The following SDK2 variants were observed in gnomAD, a reference collection of about 807,000 sequenced individuals.
The protein encoded by SDK2 is protein sidekick-2.
In SDK2, 105 loss-of-function variants were observed where a neutral mutation model predicts 253.9. That is an observed-to-expected ratio of 0.41 (90% CI 0.35 to 0.49). The LOEUF (loss-of-function observed/expected upper bound fraction) is 0.49, where lower values mean the gene tolerates loss of function less well. SDK2 is among the 20% of genes least tolerant of loss of function. The pLI is 0.06. For missense variants in SDK2, 2,608 were observed against 3,003.0 expected, an observed-to-expected ratio of 0.87 and a Z score of 3.07; for synonymous variants, 1,249 against 1,234.9, an observed-to-expected ratio of 1.01 and a Z score of -0.24.
rs1176780912 is a variant in SDK2, at chr17:73,383,690, A to G, written c.4705+186T>C. Among the ~76,000 whole-genome samples, 1 of 152,214 alleles carries G rather than the reference A, an allele frequency of 6.6e-6. No individual in the cohort carries two copies. Among genetic ancestry groups the G allele is most frequent in the African/African-American group, 2.4e-5 (1 of 41,454 alleles). On this transcript the variant is annotated intron_variant, in intron 33 of 44. Coordinates refer to ENST00000392650, the MANE Select transcript of SDK2 (RefSeq NM_001144952.2). This position sits in a 1 kb window ranked among gnomAD's most constrained non-coding sequence, Gnocchi z 4.3. ...TGTGCCCCACAGTGACTCGGGGCCC[A>G]TAGAAGGTGCTCAGTAAATATTCAG...
chr17:73,345,008 T>C (rs1266166883), intron 44 of SDK2, among the ~76,000 whole-genome samples: 1 of 152,204 alleles, frequency 6.6e-6, no homozygotes, highest in African/African-American at 2.4e-5. Context: ...TATCTGCCTC[T>C]GCATCGCAGG....
chr17:73,443,227 T>C lies in SDK2; in HGVS notation c.614-2304A>G, dbSNP rs147625211. On this transcript the variant is annotated intron_variant, in intron 5 of 44. Transcript: ENST00000392650. The surrounding 1 kb of genome is among the most constrained non-coding windows in gnomAD (Gnocchi z 4.6). ...GTTTTCCTTCCTTGACTCCAGGCCTTGCTAGAAAAGGCCCAGGAAGAATGC... is the reference window on the plus strand; with the variant it reads ...GTTTTCCTTCCTTGACTCCAGGCCTCGCTAGAAAAGGCCCAGGAAGAATGC... Among the ~76,000 whole-genome samples the C allele has an allele frequency of 0.011, 1,607 of 152,248 alleles. 13 individuals are homozygous for C. Among genetic ancestry groups the C allele is most frequent in the Non-Finnish European group, 0.018 (1,207 of 68,026 alleles).
intron 30 of SDK2, 151 bp downstream of exon 30, chr17:73,387,685 G>T: frequency 1.6e-6 from 1 of 641,564 alleles, no homozygotes. Context: ...GGGTGAGAGT[G>T]GACGCGGGGG....
chr17:73,405,295 C>T (rs2063062415), intron 18 of SDK2, among the ~76,000 whole-genome samples: 1 of 127,994 alleles, frequency 7.8e-6, no homozygotes, highest in Non-Finnish European at 1.6e-5. Context: ...CAAAAATTAG[C>T]CGCACATGGT....
intron 2 of SDK2, among the ~76,000 whole-genome samples, chr17:73,484,082 T>C (rs2063755612): frequency 6.6e-6 from 1 of 152,060 alleles, no homozygotes; most frequent in African/African-American, 2.4e-5. Flanking sequence ...GCTTTAGAAT[T>C]TCCTCACCGC....
chr17:73,424,113 T>C, intron 12 of SDK2, 21 bp from the exon 13 acceptor site: 1 of 1,602,028 alleles, frequency 6.2e-7, no homozygotes, highest in Non-Finnish European at 8.5e-7. Context: ...GAAGAACCCG[T>C]AAGTACAGAG....
chr17:73,412,926 G>A (rs562040918), intron 18 of SDK2, among the ~76,000 whole-genome samples: 43 of 152,210 alleles, frequency 2.8e-4, no homozygotes, highest in African/African-American at 9.1e-4. Context: ...AAGGAGAGAG[G>A]CCTCAGAGGA....
At chr17:73,630,217 G>T (rs1410571262) in intron 1 of SDK2, among the ~76,000 whole-genome samples, 1 of 152,114 alleles carries the variant, frequency 6.6e-6, no homozygotes, top group African/African-American at 2.4e-5. Flanking sequence ...AGCAGCAGTG[G>T]CAGCGACACC....
At chr17:73,388,458 T>A (rs1374807895) in intron 29 of SDK2, among the ~76,000 whole-genome samples, 1 of 152,094 alleles carries the variant, frequency 6.6e-6, no homozygotes, top group Non-Finnish European at 1.5e-5. Context: ...CTTCCTTCTC[T>A]CCCCAGCCTC....
At chr17:73,515,623 C>T (rs914068245) in intron 1 of SDK2, among the ~76,000 whole-genome samples, 2 of 152,182 alleles carry the variant, frequency 1.3e-5, no homozygotes, top group Non-Finnish European at 2.9e-5. Flanking sequence ...CGCATGCAGG[C>T]GTGGGGGCCA....
Position 73,428,575 on chromosome 17 carries a change from C to T in SDK2, c.1583+1936G>A, listed in dbSNP as rs781710776. On this transcript the variant is annotated intron_variant, in intron 12 of 44. Transcript: ENST00000392650. The stretch of plus-strand genomic sequence containing the variant: ...GACCATTCCTTTCAAAGGCAAAAAC[C>T]GCAGTTACGTTTGCACCCACCTAAT... Among the ~76,000 whole-genome samples the T allele has an allele frequency of 3.3e-5, 5 of 152,076 alleles. No individual in the cohort carries two copies. In the East Asian group the frequency reaches 7.7e-4, roughly 23 times the overall value.
chr17:73,379,136 C>G lies in SDK2; in HGVS notation c.4980+41G>C. On this transcript the variant is annotated intron_variant, in intron 36 of 44. Coordinates refer to ENST00000392650, the MANE Select transcript of SDK2 (RefSeq NM_001144952.2). This position sits in a 1 kb window ranked among gnomAD's most constrained non-coding sequence, Gnocchi z 4.5. ...CACTCCCCAGCCTCCGACCTGGCTTCTCATCCGTGCACCCCTTTGCTCTGC... is the reference window on the plus strand; with the variant it reads ...CACTCCCCAGCCTCCGACCTGGCTTGTCATCCGTGCACCCCTTTGCTCTGC... 2 of 1,459,018 alleles carry G rather than the reference C, an allele frequency of 1.4e-6. No homozygotes were observed. Among genetic ancestry groups the G allele is most frequent in the South Asian group, 2.5e-5 (2 of 81,580 alleles). 90.4% of individuals were successfully genotyped at this position (1,459,018 alleles called of 1,614,324 possible). A position where few individuals can be genotyped will look rare whatever the true frequency, so the allele number is the denominator to read the frequency against.
intron 4 of SDK2, among the ~76,000 whole-genome samples, chr17:73,449,047 G>A (rs1463467441): frequency 6.6e-6 from 1 of 152,168 alleles, no homozygotes; most frequent in East Asian, 1.9e-4. Context: ...GTGTTTTGGG[G>A]TGTGGTGATG....
chr17:73,408,945 T>C (rs926175018), intron 18 of SDK2, among the ~76,000 whole-genome samples: 2 of 152,212 alleles, frequency 1.3e-5, no homozygotes, highest in Admixed American at 1.3e-4. Context: ...GATAATGCAG[T>C]TACTGTGGTT....
rs1253057805 is a variant in SDK2 at position 73,352,653 on chromosome 17, G to C, written c.5594-16C>G. 9 of 1,612,614 alleles carry C rather than the reference G, an allele frequency of 5.6e-6. No homozygotes were observed. Among genetic ancestry groups the C allele is most frequent in the South Asian group, 2.2e-5 (2 of 91,028 alleles). Reference sequence around the variant, plus strand: ...AGTCCCTCGTCTGCAGGAGCACAGAGATGGAGGCCCTGGGAGGTGAGGGGA... The same window carrying C: ...AGTCCCTCGTCTGCAGGAGCACAGACATGGAGGCCCTGGGAGGTGAGGGGA... On this transcript the variant is annotated splice_polypyrimidine_tract_variant and intron_variant, in intron 40 of 44. Coordinates refer to ENST00000392650, the MANE Select transcript of SDK2 (RefSeq NM_001144952.2). This position sits in a 1 kb window ranked among gnomAD's most constrained non-coding sequence, Gnocchi z 4.1.
rs1406808009 is a variant in SDK2 at position 73,383,003 on chromosome 17, T to A, written c.4705+873A>T. 6.6e-6 allele frequency among the ~76,000 whole-genome samples: 1 copy of A among 152,140 alleles called. No individual in the cohort carries two copies. The highest frequency in any genetic ancestry group is 1.9e-4 in the East Asian group (1 of 5,186). On this transcript the variant is annotated intron_variant, in intron 33 of 44. Coordinates refer to ENST00000392650, the MANE Select transcript of SDK2 (RefSeq NM_001144952.2). The surrounding 1 kb of genome is among the most constrained non-coding windows in gnomAD (Gnocchi z 4.3). ...GAGATGGCACCATTACACTCCAGCCTGGGCAACAGAGCGAGACTCTGTCTA... is the reference window on the plus strand; with the variant it reads ...GAGATGGCACCATTACACTCCAGCCAGGGCAACAGAGCGAGACTCTGTCTA...
chr17:73,554,172 G>A (rs573223445), intron 1 of SDK2, among the ~76,000 whole-genome samples: 1 of 152,296 alleles, frequency 6.6e-6, no homozygotes, highest in South Asian at 2.1e-4. Context: ...CAGGGGGCAA[G>A]TCATCCTCCC....
chr17:73,503,457 T>C (rs1421970892), intron 2 of SDK2, among the ~76,000 whole-genome samples: 1 of 152,192 alleles, frequency 6.6e-6, no homozygotes, highest in Non-Finnish European at 1.5e-5. Flanking sequence ...AACGTGCATG[T>C]TTATACGTGT....
intron 3 of SDK2, among the ~76,000 whole-genome samples, chr17:73,459,114 T>G (rs996622926): frequency 5.3e-5 from 8 of 152,114 alleles, no homozygotes; most frequent in Admixed American, 4.6e-4. Context: ...GAGCTTCCCT[T>G]CCCTGCCCCC....
Sources: gnomAD v4.1 joint callset for allele counts (sites outside exome capture counted in the v4.1 genomes callset) on GRCh38, gnomAD v4.1.1 for gene constraint, Gnocchi (gnomAD v3.1) non-coding constraint, MANE v1.5 for transcripts, NCBI Gene and HGNC (gene_info 2026-07-23, HGNC 2026-07-21) for gene names.